OSER1: variants seen among roughly 807,000 people sequenced by gnomAD.
The protein encoded by OSER1 is oxidative stress-responsive serine-rich protein 1.
A neutral mutation model predicts 26.3 loss-of-function variants in OSER1; 15 were observed. The observed-to-expected ratio is 0.57, with a 90% confidence interval of 0.38 to 0.88. The LOEUF is 0.88. OSER1 is among the 40% of genes least tolerant of loss of function. The probability of loss-of-function intolerance (pLI) is 0.00; values close to 1 mark genes in which losing one functional copy is unlikely to be tolerated. For missense variants in OSER1, 313 were observed against 353.9 expected, an observed-to-expected ratio of 0.88 and a Z score of 0.93; for synonymous variants, 127 against 128.2, an observed-to-expected ratio of 0.99 and a Z score of 0.07.
chr20:44,196,937 C>A lies in OSER1; in HGVS notation c.*115G>T. The A allele has an allele frequency of 4.2e-6, 3 of 711,784 alleles. No homozygotes were observed. In the South Asian group the frequency reaches 5.4e-5, roughly 13 times the overall value. The allele number at this position is 711,784 out of a possible 1,614,324, so 44.1% of individuals were successfully genotyped here. A position where few individuals can be genotyped will look rare whatever the true frequency, so the allele number is the denominator to read the frequency against. On this transcript the variant is annotated 3_prime_UTR_variant, in exon 4 of 4. Coordinates refer to ENST00000255174, the MANE Select transcript of OSER1 (RefSeq NM_016470.8). ...TGCCAAGAAAAGTTTTTATTGCAAG[C>A]ACAGTGAGCAGAAAGAGATGTCTTC...
chr20:44,197,191 G>A lies in OSER1; in HGVS notation c.740C>T (p.Ser247Phe), dbSNP rs1464137993. ...CTCAGAACAGGATCGGGGAGAGCCAGACAGAGTTCTGGCGTGCAGCGACTG... is the reference window on the plus strand; with the variant it reads ...CTCAGAACAGGATCGGGGAGAGCCAAACAGAGTTCTGGCGTGCAGCGACTG... ...YSQSLHARTL[S>F]GSPRSCSEQA... Residue 247 changes from serine to phenylalanine, a missense_variant, in exon 4 of 4, where the codon TCT (serine) becomes TTT (phenylalanine). Physicochemically the swap from Ser to Phe is radical, Grantham distance 155. Transcript: ENST00000255174. The A allele has an allele frequency of 3.1e-6, 5 of 1,614,236 alleles. No individual in the cohort carries two copies. Among genetic ancestry groups the A allele is most frequent in the Non-Finnish European group, 4.2e-6 (5 of 1,180,026 alleles).
intron 2 of OSER1, among the ~76,000 whole-genome samples, chr20:44,206,373 T>A (rs541285606): frequency 1.3e-5 from 2 of 152,350 alleles, no homozygotes; most frequent in South Asian, 4.1e-4. Flanking sequence ...GCAGCTGGTA[T>A]GCAGGTGCTC....
chr20:44,204,643 G>A (rs755330637), intron 2 of OSER1, among the ~76,000 whole-genome samples: 4 of 151,974 alleles, frequency 2.6e-5, no homozygotes, highest in Non-Finnish European at 5.9e-5. Flanking sequence ...CCCACATTCC[G>A]CTCCTGCCCT....
At chr20:44,208,002 G>A (rs2073055787) in intron 1 of OSER1, among the ~76,000 whole-genome samples, 1 of 151,928 alleles carries the variant, frequency 6.6e-6, no homozygotes, top group Non-Finnish European at 1.5e-5. Context: ...CAGCATCTAT[G>A]AACATATCAG....
At chr20:44,208,821 T>C (rs2073066253) in intron 1 of OSER1, among the ~76,000 whole-genome samples, 1 of 152,228 alleles carries the variant, frequency 6.6e-6, no homozygotes, top group Admixed American at 6.5e-5. Context: ...ATAAATCATC[T>C]GAGCCAATCT....
chr20:44,200,229 C>A (rs1303358273), intron 3 of OSER1, among the ~76,000 whole-genome samples: 2 of 152,200 alleles, frequency 1.3e-5, no homozygotes, highest in East Asian at 3.8e-4. Context: ...GCTGGGATCT[C>A]TGGAGGAGAA....
At chr20:44,207,468 G>A (rs1484807885) in intron 1 of OSER1, 1 of 153,096 alleles carries the variant, frequency 6.5e-6, no homozygotes, top group Admixed American at 6.5e-5. Flanking sequence ...GAGCAGTCCT[G>A]ACCCAGACAG....
Position 44,196,299 on chromosome 20 carries a change from A to C in OSER1, c.*753T>G, listed in dbSNP as rs1341500219. Among the ~76,000 whole-genome samples, 3 of 130,414 alleles carry C rather than the reference A, an allele frequency of 2.3e-5. No homozygotes were observed. Among genetic ancestry groups the C allele is most frequent in the African/African-American group, 7.1e-5 (2 of 28,006 alleles). The allele number at this position is 130,414 out of a possible 152,430, so 85.6% of individuals were successfully genotyped here. On this transcript the variant is annotated 3_prime_UTR_variant, in exon 4 of 4. Transcript: ENST00000255174. ...ACCTGTATTACAACTGATAACAAAA[A>C]AAAAAAAAAAAAACCGCCATATATT...
chr20:44,199,260 T>C (rs963698108), intron 3 of OSER1, among the ~76,000 whole-genome samples: 9 of 152,320 alleles, frequency 5.9e-5, no homozygotes, highest in African/African-American at 2.2e-4. Flanking sequence ...AAGAATGGAT[T>C]AATCCATCCA....
rs867833777 is a variant in OSER1, at chr20:44,196,308, A to C, written c.*744T>G. The stretch of plus-strand genomic sequence containing the variant: ...ACAACTGATAACAAAAAAAAAAAAA[A>C]AAAACCGCCATATATTTAAAATGCT... On this transcript the variant is annotated 3_prime_UTR_variant, in exon 4 of 4. Transcript: ENST00000255174. 2.7e-4 allele frequency among the ~76,000 whole-genome samples: 38 copies of C among 141,432 alleles called. No homozygotes were observed. The highest frequency in any genetic ancestry group is 6.5e-4 in the African/African-American group (22 of 33,748). 92.8% of individuals were successfully genotyped at this position (141,432 alleles called of 152,430 possible). A position where few individuals can be genotyped will look rare whatever the true frequency, so the allele number is the denominator to read the frequency against.
Position 44,197,233 on chromosome 20 carries a change from G to A in OSER1, c.698C>T (p.Thr233Ile), listed in dbSNP as rs2072927773. ...CAGCGACTGAGAGTAGTCCTCAAGT[G>A]TGGATCTTCGTTCTGGAGCCAAGGG... ...VPPLAPERRS[T>I]LEDYSQSLHA... The change falls in exon 4 of 4, where the codon ACA (threonine) becomes ATA (isoleucine). Residue 233 changes from threonine to isoleucine, a missense_variant. Coordinates refer to ENST00000255174, the MANE Select transcript of OSER1 (RefSeq NM_016470.8). 3 of 1,614,080 alleles carry A rather than the reference G, an allele frequency of 1.9e-6. No homozygotes were observed. The highest frequency in any genetic ancestry group is 1.6e-4 in the Middle Eastern group (1 of 6,084).
chr20:44,204,874 G>T (rs2073023306), intron 2 of OSER1, among the ~76,000 whole-genome samples: 1 of 151,306 alleles, frequency 6.6e-6, no homozygotes, highest in African/African-American at 2.4e-5. Context: ...GTCTCGCTCT[G>T]TTGCGCAGGC....
At chr20:44,198,675 A>C (rs1261281099) in intron 3 of OSER1, among the ~76,000 whole-genome samples, 4 of 151,864 alleles carry the variant, frequency 2.6e-5, no homozygotes, top group Non-Finnish European at 5.9e-5. Flanking sequence ...AACTGAATGA[A>C]AAGAAAAGAT....
At chr20:44,209,419 G>T (rs1024408461) in intron 1 of OSER1, among the ~76,000 whole-genome samples, 33 of 152,288 alleles carry the variant, frequency 2.2e-4, no homozygotes, top group African/African-American at 7.9e-4. Flanking sequence ...GGCTCATTAT[G>T]CTCCTCTGCA....
At chr20:44,203,508 T>TA (rs2073004605) in intron 2 of OSER1, among the ~76,000 whole-genome samples, 1 of 152,172 alleles carries the variant, frequency 6.6e-6, no homozygotes, top group South Asian at 2.1e-4. Context: ...TATTCTAACT[T>TA]TTGCAACAAA....
intron 2 of OSER1, among the ~76,000 whole-genome samples, chr20:44,204,190 T>C (rs917716990): frequency 2.0e-5 from 3 of 152,220 alleles, no homozygotes; most frequent in African/African-American, 7.2e-5. Flanking sequence ...TATTGTTTTG[T>C]AATAAATATA....
At chr20:44,199,607 G>A (rs1272236125) in intron 3 of OSER1, among the ~76,000 whole-genome samples, 1 of 152,224 alleles carries the variant, frequency 6.6e-6, no homozygotes, top group Non-Finnish European at 1.5e-5. Flanking sequence ...CGTATACTGA[G>A]GTTGCTAAGA....
At chr20:44,208,512 GGTTT>G (rs2073062974) in intron 1 of OSER1, among the ~76,000 whole-genome samples, 1 of 151,472 alleles carries the variant, frequency 6.6e-6, no homozygotes, top group Non-Finnish European at 1.5e-5. Context: ...ATATTTTGCT[GGTTT>G]ATTTAAGTAC....
intron 3 of OSER1, among the ~76,000 whole-genome samples, chr20:44,199,083 A>G (rs1351132962): frequency 6.6e-6 from 1 of 152,252 alleles, no homozygotes; most frequent in Non-Finnish European, 1.5e-5. Context: ...GCCCCACAGT[A>G]TAACAGTAGT....
Sources: allele counts gnomAD v4.1 joint callset (sites outside exome capture counted in the v4.1 genomes callset), GRCh38; gene constraint gnomAD v4.1.1; transcripts MANE v1.5; gene names NCBI Gene and HGNC (gene_info 2026-07-23, HGNC 2026-07-21).